TAFA1: variants seen among roughly 807,000 people sequenced by gnomAD.
TAFA1 encodes the protein TAFA chemokine like family member 1.
In TAFA1, 4 loss-of-function variants were observed where a neutral mutation model predicts 18.5. The ratio of observed to expected loss-of-function variants is 0.22; its 90% confidence interval spans 0.11 to 0.49. TAFA1 has a LOEUF of 0.49. Ranked by LOEUF, TAFA1 falls within the 20% of genes least tolerant of loss-of-function variation. The pLI is 0.98. For synonymous variants in TAFA1, 56 were observed against 55.2 expected (o/e 1.01, Z -0.06); for missense variants, 147 against 169.0 (o/e 0.87, Z 0.72).
intron 2 of TAFA1, among the ~76,000 whole-genome samples, chr3:68,350,594 A>G (rs558531571): frequency 1.5e-4 from 23 of 152,288 alleles, no homozygotes; most frequent in South Asian, 1.0e-3. Flanking sequence ...AATTGCTCCT[A>G]TAAAACAAGG....
chr3:68,544,593 G>A lies in TAFA1; in HGVS notation c.*90G>A. On this transcript the variant is annotated 3_prime_UTR_variant, in exon 5 of 5. Coordinates refer to ENST00000478136, the MANE Select transcript of TAFA1 (RefSeq NM_213609.4). The stretch of plus-strand genomic sequence containing the variant: ...CATCTCACATATATACAAGCCAAAT[G>A]GATTTCTTACTTGCACTTTGACTGG... 3 of 1,349,708 alleles carry A rather than the reference G, an allele frequency of 2.2e-6. No homozygotes were observed. The highest frequency in any genetic ancestry group is 1.2e-5 in the South Asian group (1 of 81,536). 83.6% of individuals were successfully genotyped at this position (1,349,708 alleles called of 1,614,324 possible). A position where few individuals can be genotyped will look rare whatever the true frequency, so the allele number is the denominator to read the frequency against.
At chr3:68,417,022 A>G (rs1314766964) in intron 2 of TAFA1, among the ~76,000 whole-genome samples, 1 of 152,076 alleles carries the variant, frequency 6.6e-6, no homozygotes, top group African/African-American at 2.4e-5. Flanking sequence ...TCATTGCTTT[A>G]TTGCCTGTCA....
rs200646006 is a variant in TAFA1, at chr3:68,469,716, T to C, written c.259+52296T>C. On this transcript the variant is annotated intron_variant, in intron 3 of 4. Transcript: ENST00000478136. ...TCAGAGAGAGAGATTCTTTGAGACA[T>C]TGGAAGCTCCACTGGCCTACTGGGT... is the stretch of plus-strand genomic sequence containing the variant. 1.2e-3 allele frequency among the ~76,000 whole-genome samples: 181 copies of C among 152,210 alleles called. 2 individuals carry two copies. Among genetic ancestry groups the C allele is most frequent in the Non-Finnish European group, 4.6e-4 (31 of 67,994 alleles).
chr3:68,426,002 G>A (rs760640520), intron 3 of TAFA1, among the ~76,000 whole-genome samples: 3 of 151,384 alleles, frequency 2.0e-5, no homozygotes, highest in East Asian at 2.0e-4. Flanking sequence ...TCATACAGTC[G>A]TTTCCTACTA....
intron 2 of TAFA1, among the ~76,000 whole-genome samples, chr3:68,245,096 C>A (rs1201300432): frequency 6.6e-6 from 1 of 152,168 alleles, no homozygotes; most frequent in African/African-American, 2.4e-5. Context: ...TACGTTTTTT[C>A]TATCTCAAGA....
At chr3:68,120,092 G>A (rs1217416563) in intron 2 of TAFA1, among the ~76,000 whole-genome samples, 4 of 152,094 alleles carry the variant, frequency 2.6e-5, no homozygotes, top group Non-Finnish European at 5.9e-5. Context: ...AAGTGGTCCT[G>A]CCTACCTGCA....
At chr3:68,082,964 C>T (rs760379959) in intron 2 of TAFA1, among the ~76,000 whole-genome samples, 6 of 152,222 alleles carry the variant, frequency 3.9e-5, no homozygotes, top group Non-Finnish European at 8.8e-5. Context: ...ATTCTACCTA[C>T]CCTTTAGGGA....
At chr3:68,089,690 C>T (rs888005890) in intron 2 of TAFA1, among the ~76,000 whole-genome samples, 1 of 152,238 alleles carries the variant, frequency 6.6e-6, no homozygotes, top group Non-Finnish European at 1.5e-5. Flanking sequence ...GTCCTGACCC[C>T]TCTTGCCTAG....
At chr3:68,452,250 C>T (rs1028815450) in intron 3 of TAFA1, among the ~76,000 whole-genome samples, 1 of 152,100 alleles carries the variant, frequency 6.6e-6, no homozygotes, top group Non-Finnish European at 1.5e-5. Context: ...CGGCTGGGCG[C>T]CGTGGCTCAC....
chr3:68,353,670 G>T (rs555779740), intron 2 of TAFA1, among the ~76,000 whole-genome samples: 3 of 151,910 alleles, frequency 2.0e-5, no homozygotes, highest in African/African-American at 7.3e-5. Context: ...CAGAAAAATC[G>T]AGCCTGAGGC....
intron 2 of TAFA1, among the ~76,000 whole-genome samples, chr3:68,284,152 C>T (rs2107262667): frequency 6.6e-6 from 1 of 152,224 alleles, no homozygotes; most frequent in Admixed American, 6.5e-5. Context: ...TTTTTCGTCC[C>T]TACTATCCTT....
intron 2 of TAFA1, among the ~76,000 whole-genome samples, chr3:68,311,893 C>T (rs1350049439): frequency 1.3e-5 from 2 of 152,206 alleles, no homozygotes; most frequent in African/African-American, 4.8e-5. Context: ...ACTACCCTAG[C>T]AGAGGTTCTC....
intron 2 of TAFA1, among the ~76,000 whole-genome samples, chr3:68,317,261 G>C (rs556116063): frequency 1.2e-4 from 18 of 152,254 alleles, no homozygotes; most frequent in Non-Finnish European, 2.2e-4. Context: ...TCAAGTGAAA[G>C]GTTATCAACT....
chr3:68,288,227 C>T (rs2068049005), intron 2 of TAFA1, among the ~76,000 whole-genome samples: 1 of 152,182 alleles, frequency 6.6e-6, no homozygotes, highest in African/African-American at 2.4e-5. Flanking sequence ...GCTGCTCACT[C>T]CGCAGTGCAA....
At chr3:68,490,982 G>A (rs370472100) in intron 3 of TAFA1, among the ~76,000 whole-genome samples, 1 of 152,142 alleles carries the variant, frequency 6.6e-6, no homozygotes, top group African/African-American at 2.4e-5. Context: ...GGAACTATGG[G>A]TGTACACTGC....
At chr3:68,222,446 T>G (rs2066742551) in intron 2 of TAFA1, among the ~76,000 whole-genome samples, 1 of 152,180 alleles carries the variant, frequency 6.6e-6, no homozygotes, top group African/African-American at 2.4e-5. Context: ...TCTTCATATA[T>G]CCCCCTCCTC....
rs75148697 is a variant in TAFA1, at chr3:68,164,935, A to T, written c.118+158191A>T. Among the ~76,000 whole-genome samples the T allele has an allele frequency of 3.8e-3, 585 of 152,264 alleles. 8 individuals carry two copies. In the East Asian group the frequency reaches 0.039, roughly 10 times the overall value. On this transcript the variant is annotated intron_variant, in intron 2 of 4. Coordinates refer to ENST00000478136, the MANE Select transcript of TAFA1 (RefSeq NM_213609.4). The stretch of plus-strand genomic sequence containing the variant: ...CCCTAAAATATATTTAAAGCCAATT[A>T]CTTAAATGCTGTTATGTATATGCCT...
chr3:68,248,039 C>A (rs766587150), intron 2 of TAFA1, among the ~76,000 whole-genome samples: 1 of 152,154 alleles, frequency 6.6e-6, no homozygotes, highest in Non-Finnish European at 1.5e-5. Flanking sequence ...TTAGGTGTGA[C>A]CTCACTTAGA....
chr3:68,262,692 C>T (rs565261983), intron 2 of TAFA1, among the ~76,000 whole-genome samples: 3 of 152,014 alleles, frequency 2.0e-5, no homozygotes, highest in Admixed American at 6.6e-5. Context: ...CTGATGGGCA[C>T]CTAGGTTGAT....
Sources: allele counts gnomAD v4.1 joint callset (sites outside exome capture counted in the v4.1 genomes callset), GRCh38; gene constraint gnomAD v4.1.1; transcripts MANE v1.5; gene names NCBI Gene and HGNC (gene_info 2026-07-23, HGNC 2026-07-21).